The following MCM10 variants were observed in gnomAD, a reference collection of about 807,000 sequenced individuals.
The protein encoded by MCM10 is protein MCM10 homolog.
Under a neutral mutation model 109.9 loss-of-function variants are expected in MCM10, and 91 were observed. The observed-to-expected ratio is 0.83, with a 90% CI of 0.70 to 0.99. The LOEUF is 0.99. MCM10 is among the 50% of genes least tolerant of loss of function. The pLI is 0.00. For missense variants in MCM10, 1,077 were observed against 1,061.2 expected, an observed-to-expected ratio of 1.01 and a Z score of -0.21; for synonymous variants, 380 against 387.2, an observed-to-expected ratio of 0.98 and a Z score of 0.22.
Position 13,194,307 on chromosome 10 carries a change from G to A in MCM10, c.1746-734G>A, listed in dbSNP as rs183717926. On this transcript the variant is annotated intron_variant, in intron 13 of 19. Coordinates refer to ENST00000378714, the MANE Select transcript of MCM10 (RefSeq NM_018518.5). ...GAGCCTGGGAGGCAGAGGTGGCAGC[G>A]AGCCGCAATCGTGCCAACGCACTCT... Among the ~76,000 whole-genome samples the A allele has an allele frequency of 2.8e-3, 431 of 152,330 alleles. 6 individuals are homozygous for A. The highest frequency in any genetic ancestry group is 0.026 in the Admixed American group (405 of 15,296).
chr10:13,188,002 G>A (rs2131576005), intron 9 of MCM10, among the ~76,000 whole-genome samples: 1 of 152,202 alleles, frequency 6.6e-6, no homozygotes, highest in East Asian at 1.9e-4. Flanking sequence ...AAAATTAGCT[G>A]GGCGTGGTTG....
chr10:13,204,198 G>T (rs768252422), intron 17 of MCM10, 21 bp from the exon 18 acceptor site: 1 of 1,607,568 alleles, frequency 6.2e-7, no homozygotes, highest in South Asian at 1.1e-5. Context: ...GGCGGTGTGG[G>T]TTTTTTGTTG....
intron 16 of MCM10, among the ~76,000 whole-genome samples, chr10:13,199,021 A>G (rs1454517067): frequency 1.3e-5 from 2 of 152,036 alleles, no homozygotes; most frequent in East Asian, 3.9e-4. Context: ...TCAGCCTCCC[A>G]AGTAGCTGGG....
rs1267446333 is a variant in MCM10, at chr10:13,172,200, C to T, written c.350-176C>T. On this transcript the variant is annotated intron_variant, in intron 3 of 19. Coordinates refer to ENST00000378714, the MANE Select transcript of MCM10 (RefSeq NM_018518.5). The surrounding 1 kb of genome is among the most constrained non-coding windows in gnomAD (Gnocchi z 5.2). ...TTTACTTTAAATAAAATATGTATTTCTCTAAGAGACCTCTTTGAAGTACCA... is the reference window on the plus strand; with the variant it reads ...TTTACTTTAAATAAAATATGTATTTTTCTAAGAGACCTCTTTGAAGTACCA... Among the ~76,000 whole-genome samples the T allele has an allele frequency of 1.3e-5, 2 of 152,116 alleles. No homozygotes were observed. The highest frequency in any genetic ancestry group is 4.8e-5 in the African/African-American group (2 of 41,414).
intron 16 of MCM10, 45 bp downstream of exon 16, chr10:13,198,852 T>C: frequency 7.9e-7 from 1 of 1,270,088 alleles, no homozygotes; most frequent in Non-Finnish European, 1.1e-6. Context: ...TCCGATGTCC[T>C]TCAAAGCCAA....
intron 16 of MCM10, 34 bp from the exon 17 acceptor site, chr10:13,201,387 G>C: frequency 1.5e-6 from 2 of 1,353,540 alleles, no homozygotes; most frequent in Non-Finnish European, 2.1e-6. Flanking sequence ...ACTGGATTTA[G>C]TACCAGGTCT....
rs199781601 is a variant in MCM10, at chr10:13,174,862, T to G, written c.593-648T>G. Among the ~76,000 whole-genome samples, 4 of 152,110 alleles carry G rather than the reference T, an allele frequency of 2.6e-5. No homozygotes were observed. The East Asian group carries it at 7.7e-4, about 29-fold the overall frequency. ...GGACAATCCTGGCCGGGGGCGGTGG[T>G]TCATGCCTGTAATCCCAGCACTTTA... On this transcript the variant is annotated intron_variant, in intron 5 of 19. Transcript: ENST00000378714.
chr10:13,207,974 T>C (rs1834606617), intron 18 of MCM10, among the ~76,000 whole-genome samples: 1 of 142,676 alleles, frequency 7.0e-6, no homozygotes, highest in African/African-American at 2.7e-5. Flanking sequence ...TTAGCTTTAT[T>C]ATATGTCTTC....
intron 17 of MCM10, chr10:13,201,824 T>G: frequency 3.2e-6 from 1 of 317,220 alleles, no homozygotes; most frequent in Admixed American, 4.5e-5. Context: ...TCCGCGTGGC[T>G]CTGACTGCTC....
intron 18 of MCM10, among the ~76,000 whole-genome samples, chr10:13,205,490 A>G (rs1679964394): frequency 6.6e-6 from 1 of 152,154 alleles, no homozygotes; most frequent in African/African-American, 2.4e-5. Context: ...TGTGATAAAC[A>G]TACATGTGCA....
chr10:13,186,112 A>T, intron 8 of MCM10, 52 bp from the exon 9 acceptor site: 2 of 1,000,352 alleles, frequency 2.0e-6, no homozygotes, highest in South Asian at 2.7e-5. Flanking sequence ...TCCTGCTAAT[A>T]AAAGGCCATA....
chr10:13,184,891 C>T (rs1834254519), intron 8 of MCM10, among the ~76,000 whole-genome samples: 2 of 152,236 alleles, frequency 1.3e-5, no homozygotes, highest in Non-Finnish European at 2.9e-5. Flanking sequence ...TTTACCAGTC[C>T]TGTGGGAGGG....
intron 17 of MCM10, 148 bp downstream of exon 17, chr10:13,201,682 A>G: frequency 3.2e-6 from 2 of 624,590 alleles, no homozygotes; most frequent in Non-Finnish European, 5.7e-6. Context: ...CAGGTGGCCC[A>G]GGACCCGGCT....
intron 18 of MCM10, among the ~76,000 whole-genome samples, chr10:13,208,686 T>C (rs915898042): frequency 6.6e-6 from 1 of 152,164 alleles, no homozygotes; most frequent in Admixed American, 6.5e-5. Flanking sequence ...CTCAACCTTT[T>C]TGCTCCAAAA....
At chr10:13,170,862 A>G in intron 2 of MCM10, 60 bp from the exon 3 acceptor site, 1 of 1,482,908 alleles carries the variant, frequency 6.7e-7, no homozygotes. Context: ...AAATTGCCTA[A>G]AGTTGAATGT....
chr10:13,205,509 T>C (rs758056233), intron 18 of MCM10, among the ~76,000 whole-genome samples: 8 of 152,174 alleles, frequency 5.3e-5, no homozygotes, highest in Non-Finnish European at 4.4e-5. Flanking sequence ...CAGAAATCAG[T>C]GTACTGATTT....
At position 13,182,573 on chromosome 10, in the gene MCM10, G is replaced by A. The variant is rs1314635483; in HGVS notation, c.931-360G>A. Among the ~76,000 whole-genome samples, 1 of 152,048 alleles carries A rather than the reference G, an allele frequency of 6.6e-6. No individual in the cohort carries two copies. Among genetic ancestry groups the A allele is most frequent in the Non-Finnish European group, 1.5e-5 (1 of 68,020 alleles). ...TATCAGTAAGTTATTAAATGGTACT[G>A]TCATACCTTCCACTGTCCTTTTAAT... On this transcript the variant is annotated intron_variant, in intron 7 of 19. Transcript: ENST00000378714. This position sits in a 1 kb window ranked among gnomAD's most constrained non-coding sequence, Gnocchi z 4.2.
intron 14 of MCM10, 52 bp downstream of exon 14, chr10:13,195,321 A>T (rs1834403195): frequency 7.1e-7 from 1 of 1,404,788 alleles, no homozygotes; most frequent in African/African-American, 1.4e-5. Context: ...TGTAGAGCAG[A>T]GCTGGAGGAA....
chr10:13,167,817 G>T (rs1834021630), intron 2 of MCM10, among the ~76,000 whole-genome samples: 1 of 152,200 alleles, frequency 6.6e-6, no homozygotes, highest in South Asian at 2.1e-4. Context: ...GCCATGTGAG[G>T]TGTGAACAAT....
Sources: gnomAD v4.1 joint callset for allele counts (sites outside exome capture counted in the v4.1 genomes callset) on GRCh38, gnomAD v4.1.1 for gene constraint, Gnocchi (gnomAD v3.1) non-coding constraint, MANE v1.5 for transcripts, NCBI Gene and HGNC (gene_info 2026-07-23, HGNC 2026-07-21) for gene names.